The following ALB variants were observed in gnomAD, a reference collection of about 807,000 sequenced individuals.
ALB encodes the protein albumin.
Under a neutral mutation model 74.5 loss-of-function variants are expected in ALB, and 37 were observed. The observed-to-expected ratio is 0.50, with a 90% CI of 0.38 to 0.65. ALB has a LOEUF of 0.65. Among genes scored for constraint, ALB ranks in the 30% least tolerant of loss-of-function variants. The pLI, the probability that ALB is intolerant of heterozygous loss-of-function variation, is 0.00. For synonymous variants in ALB, 249 were observed against 251.6 expected, an observed-to-expected ratio of 0.99 and a Z score of 0.10; for missense variants, 685 against 718.7, an observed-to-expected ratio of 0.95 and a Z score of 0.54.
At chr4:73,417,815 G>C (rs572624073) in intron 11 of ALB, 146 bp downstream of exon 11, 1 of 809,944 alleles carries the variant, frequency 1.2e-6, no homozygotes, top group East Asian at 2.7e-5. Flanking sequence ...GTGTGTGTAT[G>C]TGTGATATTG....
Position 73,421,073 on chromosome 4 carries a change from T to A in ALB, c.*24-19T>A, listed in dbSNP as rs754259591. The A allele has an allele frequency of 1.5e-6, 1 of 688,012 alleles. No homozygotes were observed. Among genetic ancestry groups the A allele is most frequent in the South Asian group, 1.6e-5 (1 of 63,990 alleles). The allele number at this position is 688,012 out of a possible 1,614,324, so 42.6% of individuals were successfully genotyped here. The stretch of plus-strand genomic sequence containing the variant: ...GCCATTTTACAAATAAGACTTATAT[T>A]TGTCCTTTTGTTTTTCAGCCTACCA... On this transcript the variant is annotated intron_variant, in intron 14 of 14. Transcript: ENST00000295897.
At chr4:73,407,607 T>C (rs957848009) in intron 3 of ALB, among the ~76,000 whole-genome samples, 16 of 152,214 alleles carry the variant, frequency 1.1e-4, no homozygotes, top group Admixed American at 3.3e-4. Flanking sequence ...GATGATATCA[T>C]GGTTTTTATC....
chr4:73,411,653 TCTGCTAACAAGTCCTA>T (rs754645446), intron 6 of ALB, among the ~76,000 whole-genome samples: 37 of 152,216 alleles, frequency 2.4e-4, no homozygotes, highest in Non-Finnish European at 7.4e-5. Flanking sequence ...GGCTGAGCCC[TCTGCTAACAAGTCCTA>T]CTGCTAACAA....
chr4:73,409,195 TAAAG>T, intron 4 of ALB, 156 bp from the exon 5 acceptor site: 1 of 773,076 alleles, frequency 1.3e-6, no homozygotes, highest in Non-Finnish European at 2.1e-6. Context: ...TCCACATACT[TAAAG>T]AATGACAGAG....
intron 4 of ALB, 49 bp from the exon 5 acceptor site, chr4:73,409,306 A>G: frequency 6.3e-7 from 1 of 1,585,188 alleles, no homozygotes; most frequent in Non-Finnish European, 8.7e-7. Flanking sequence ...TTATTTCTGT[A>G]ATATTGTCTG....
chr4:73,404,915 T>G, intron 1 of ALB: 1 of 602,202 alleles, frequency 1.7e-6, no homozygotes, highest in Non-Finnish European at 3.0e-6. Context: ...AAAATAGTAT[T>G]CTTGGTAATT....
At position 73,416,290 on chromosome 4, in the gene ALB, A is replaced by G; in HGVS notation, c.1226A>G (p.Gln409Arg). 1 of 1,613,706 alleles carries G rather than the reference A, an allele frequency of 6.2e-7. No homozygotes were observed. Among genetic ancestry groups the G allele is most frequent in the South Asian group, 1.1e-5 (1 of 91,076 alleles). Residue 409 changes from glutamine to arginine, a missense_variant, in exon 10 of 15, where the codon CAG becomes CGG. Physicochemically the swap from Gln to Arg is conservative, Grantham distance 43. Coordinates refer to ENST00000295897, the MANE Select transcript of ALB (RefSeq NM_000477.7). ...TTTAAACCTCTTGTGGAAGAGCCTC[A>G]GAATTTAATCAAACAAAATTGTGAG... ...DEFKPLVEEP[Q>R]NLIKQNCELF...
chr4:73,414,548 C>G (rs667), intron 8 of ALB, among the ~76,000 whole-genome samples: 1 of 151,944 alleles, frequency 6.6e-6, no homozygotes, highest in Non-Finnish European at 1.5e-5. Flanking sequence ...ACCACAACCT[C>G]CGCCTCCCAG....
Position 73,419,556 on chromosome 4 carries a change from C to T in ALB, c.1702C>T (p.Leu568=). Residue 568 remains leucine, a synonymous_variant, in exon 13 of 15, where the codon CTG becomes TTG. Coordinates refer to ENST00000295897, the MANE Select transcript of ALB (RefSeq NM_000477.7). ...CAAGCCCAAGGCAACAAAAGAGCAA[C>T]TGAAAGCTGTTATGGATGATTTCGC... ...KHKPKATKEQ[L]KAVMDDFAAF... 1 of 1,613,568 alleles carries T rather than the reference C, an allele frequency of 6.2e-7. No homozygotes were observed. Among genetic ancestry groups the T allele is most frequent in the Non-Finnish European group, 8.5e-7 (1 of 1,179,860 alleles).
At chr4:73,410,872 T>TC (rs907208238) in intron 6 of ALB, among the ~76,000 whole-genome samples, 1 of 152,126 alleles carries the variant, frequency 6.6e-6, no homozygotes, top group African/African-American at 2.4e-5. Context: ...AATTTTATCT[T>TC]CCCCCCAATG....
intron 9 of ALB, 71 bp downstream of exon 9, chr4:73,415,238 CAAGAATGTAA>C: frequency 6.4e-7 from 1 of 1,551,734 alleles, no homozygotes. Flanking sequence ...AAAAATAATG[CAAGAATGTAA>C]AATGATATAC....
intron 5 of ALB, 135 bp downstream of exon 5, chr4:73,409,622 C>A: frequency 9.3e-7 from 1 of 1,076,962 alleles, no homozygotes; most frequent in Non-Finnish European, 1.4e-6. Flanking sequence ...TTTTATCTGT[C>A]TTGAAAATCT....
rs1326111911 is a variant in ALB at position 73,412,076 on chromosome 4, T to A, written c.794T>A (p.Val265Asp). The change falls in exon 7 of 15, where the codon GTC (valine) becomes GAC (aspartate). Residue 265 changes from valine (V) to aspartate (D), a missense_variant. Val to Asp is a radical substitution (Grantham distance 152). Coordinates refer to ENST00000295897, the MANE Select transcript of ALB (RefSeq NM_000477.7). ...AAGTTAGTGACAGATCTTACCAAAG[T>A]CCACACGGAATGCTGCCATGGAGAT... ...VSKLVTDLTK[V>D]HTECCHGDLL... The A allele has an allele frequency of 6.2e-7, 1 of 1,614,136 alleles. No homozygotes were observed. Among genetic ancestry groups the A allele is most frequent in the Admixed American group, 1.7e-5 (1 of 60,022 alleles).
At chr4:73,420,218 A>G in intron 13 of ALB, 36 bp from the exon 14 acceptor site, 1 of 1,589,532 alleles carries the variant, frequency 6.3e-7, no homozygotes, top group Non-Finnish European at 8.6e-7. Flanking sequence ...AGTAATGCTA[A>G]TATTTTCCTA....
chr4:73,416,488 TA>T lies in ALB; in HGVS notation c.1289+136del, dbSNP rs146077159. On this transcript the variant is annotated intron_variant, in intron 10 of 14. Transcript: ENST00000295897. ...TCTAATCACTCTTTGTCAAGAAAGA[TA>T]GGAGAGGAGAGATAAAATAGTTGAT... The T allele has an allele frequency of 8.9e-4, 646 of 721,872 alleles. 3 individuals are homozygous for T. Among genetic ancestry groups the T allele is most frequent in the African/African-American group, 5.5e-3 (314 of 56,752 alleles). The allele number at this position is 721,872 out of a possible 1,614,324, so 44.7% of individuals were successfully genotyped here. A position where few individuals can be genotyped will look rare whatever the true frequency, so the allele number is the denominator to read the frequency against.
At chr4:73,405,225 A>G (rs757160556) in intron 2 of ALB, 52 bp downstream of exon 2, 3 of 1,451,816 alleles carry the variant, frequency 2.1e-6, no homozygotes, top group Non-Finnish European at 2.9e-6. Flanking sequence ...AGTGTTGTTT[A>G]TTATTCTAAA....
rs79047363 is a variant in ALB, at chr4:73,416,262, G to C, written c.1198G>C (p.Glu400Gln). The change falls in exon 10 of 15, where the codon GAA becomes CAA. Residue 400 changes from glutamate (E) to glutamine (Q), a missense_variant. Physicochemically the swap from Glu to Gln is conservative, Grantham distance 29. Transcript: ENST00000295897. ...PHECYAKVFDEFKPLVEEPQN... is the reference protein window; with the variant it reads ...PHECYAKVFDQFKPLVEEPQN... ...CAATTCTTTTATGTTTCAGTTCGAT[G>C]AATTTAAACCTCTTGTGGAAGAGCC... 4 of 1,613,130 alleles carry C rather than the reference G, an allele frequency of 2.5e-6. No individual in the cohort carries two copies. Among genetic ancestry groups the C allele is most frequent in the Non-Finnish European group, 3.4e-6 (4 of 1,179,376 alleles).
intron 7 of ALB, 33 bp from the exon 8 acceptor site, chr4:73,413,387 C>G: frequency 6.4e-7 from 1 of 1,562,448 alleles, no homozygotes; most frequent in Non-Finnish European, 8.8e-7. Flanking sequence ...AATGTCAATT[C>G]GTGTTGAACA....
At chr4:73,406,017 T>A (rs920602330) in intron 2 of ALB, among the ~76,000 whole-genome samples, 5 of 152,022 alleles carry the variant, frequency 3.3e-5, no homozygotes, top group African/African-American at 1.2e-4. Flanking sequence ...ATCCCAGCAC[T>A]TTGGAAGGCT....
Sources: allele counts gnomAD v4.1 joint callset (sites outside exome capture counted in the v4.1 genomes callset), GRCh38; gene constraint gnomAD v4.1.1; transcripts MANE v1.5; gene names NCBI Gene and HGNC (gene_info 2026-07-23, HGNC 2026-07-21).